Variants in NAV2 observed in about 807,000 individuals in gnomAD.
NAV2 encodes helicase, APC down-regulated 1.
Under a neutral mutation model 223.2 loss-of-function variants are expected in NAV2, and 54 were observed. The ratio of observed to expected loss-of-function variants is 0.24; its 90% CI spans 0.19 to 0.30. The LOEUF (loss-of-function observed/expected upper bound fraction) is 0.30. Among genes scored for constraint, NAV2 ranks in the 10% least tolerant of loss-of-function variants. The pLI is 1.00. For missense variants in NAV2, 2,806 were observed against 3,147.5 expected, an observed-to-expected ratio of 0.89 and a Z score of 2.60; for synonymous variants, 1,279 against 1,239.3, an observed-to-expected ratio of 1.03 and a Z score of -0.67.
At chr11:19,574,473 T>A (rs1251539013) in intron 1 of NAV2, among the ~76,000 whole-genome samples, 4 of 152,146 alleles carry the variant, frequency 2.6e-5, no homozygotes. Context: ...GCTCCAACAC[T>A]CCTGGCCCTG....
rs73420109 is a variant in NAV2, at chr11:19,522,939, T to C, written c.75+171912T>C. The stretch of plus-strand genomic sequence containing the variant: ...CAGTTATTATTATTGGGAATAATGA[T>C]GGCTGTTGATTAAAATGATCATATC... On this transcript the variant is annotated intron_variant, in intron 1 of 37. Transcript: ENST00000360655. Among the ~76,000 whole-genome samples the C allele has an allele frequency of 7.1e-3, 1,076 of 152,330 alleles. 11 individuals are homozygous for C. The highest frequency in any genetic ancestry group is 0.025 in the African/African-American group (1,026 of 41,570).
intron 36 of NAV2, among the ~76,000 whole-genome samples, chr11:20,109,226 A>G (rs1326011847): frequency 6.6e-6 from 1 of 152,208 alleles, no homozygotes; most frequent in South Asian, 2.1e-4. Flanking sequence ...CTTGTGATAT[A>G]TTTCACTAAA....
intron 1 of NAV2, among the ~76,000 whole-genome samples, chr11:19,495,258 G>A (rs2042757897): frequency 6.6e-6 from 1 of 152,146 alleles, no homozygotes; most frequent in Admixed American, 6.5e-5. Context: ...CAGCAAGCAA[G>A]CACCAGGCTC....
intron 1 of NAV2, among the ~76,000 whole-genome samples, chr11:19,461,457 G>A (rs149274308): frequency 4.6e-5 from 7 of 152,292 alleles, no homozygotes; most frequent in Non-Finnish European, 1.0e-4. Flanking sequence ...AGGCATTAAC[G>A]TGAGTTTCAT....
chr11:19,587,105 C>G (rs897954874), intron 1 of NAV2, among the ~76,000 whole-genome samples: 1 of 152,186 alleles, frequency 6.6e-6, no homozygotes, highest in Admixed American at 6.5e-5. Context: ...GCCTTGCTGC[C>G]GCCTTGCAGT....
chr11:19,443,513 G>T (rs147928439), intron 1 of NAV2, among the ~76,000 whole-genome samples: 33 of 152,340 alleles, frequency 2.2e-4, no homozygotes, highest in Non-Finnish European at 1.0e-4. Context: ...CACCTGTCAG[G>T]TGACCTGCTG....
At chr11:19,736,997 G>A (rs905546127) in intron 1 of NAV2, among the ~76,000 whole-genome samples, 4 of 152,216 alleles carry the variant, frequency 2.6e-5, no homozygotes, top group Admixed American at 2.0e-4. Context: ...TCTCATGAAA[G>A]AACTGTAGTG....
At chr11:19,738,707 A>G (rs2152446798) in intron 1 of NAV2, among the ~76,000 whole-genome samples, 1 of 152,268 alleles carries the variant, frequency 6.6e-6, no homozygotes, top group Middle Eastern at 3.4e-3. Flanking sequence ...CACAGGTTTT[A>G]GTGTTTGGGC....
chr11:19,776,870 T>C (rs2056266404), intron 1 of NAV2, among the ~76,000 whole-genome samples: 1 of 151,780 alleles, frequency 6.6e-6, no homozygotes, highest in South Asian at 2.1e-4. Flanking sequence ...TGAACTGCGC[T>C]CCACAGCCCC....
At chr11:19,804,250 A>G (rs1418018793) in intron 1 of NAV2, among the ~76,000 whole-genome samples, 1 of 152,244 alleles carries the variant, frequency 6.6e-6, no homozygotes, top group African/African-American at 2.4e-5. Flanking sequence ...ATTTTCAATT[A>G]CAACGTCACC....
chr11:20,068,541 A>T lies in NAV2; in HGVS notation c.4983+143A>T, dbSNP rs532201101. ...ACAGGCTTTGGCATCATGGGTGTGA[A>T]TGTCAGTTTGGACACTTACTGGCTT... is the stretch of plus-strand genomic sequence containing the variant. On this transcript the variant is annotated intron_variant, in intron 22 of 37. Coordinates refer to ENST00000349880, the MANE Select transcript of NAV2 (RefSeq NM_145117.5). 76 of 672,108 alleles carry T rather than the reference A, an allele frequency of 1.1e-4. 1 individual carries two copies. The highest frequency in any genetic ancestry group is 8.0e-5 in the East Asian group (3 of 37,306). The allele number at this position is 672,108 out of a possible 1,614,324, so 41.6% of individuals were successfully genotyped here. A position where few individuals can be genotyped will look rare whatever the true frequency, so the allele number is the denominator to read the frequency against.
chr11:19,844,117 C>T (rs1235897483), intron 3 of NAV2, among the ~76,000 whole-genome samples: 1 of 152,214 alleles, frequency 6.6e-6, no homozygotes, highest in Non-Finnish European at 1.5e-5. Flanking sequence ...AGGCTGACAT[C>T]TCATGGCTGC....
chr11:19,886,275 C>T (rs987592213), intron 5 of NAV2, among the ~76,000 whole-genome samples: 2 of 152,122 alleles, frequency 1.3e-5, no homozygotes, highest in South Asian at 2.1e-4. Flanking sequence ...ACTGAGCTGC[C>T]GAACCTAGAG....
rs114838135 is a variant in NAV2, at chr11:19,425,054, A to G, written c.75+74027A>G. Among the ~76,000 whole-genome samples, 199 of 152,338 alleles carry G rather than the reference A, an allele frequency of 1.3e-3. 1 individual carries two copies. Among genetic ancestry groups the G allele is most frequent in the African/African-American group, 4.5e-3 (185 of 41,568 alleles). On this transcript the variant is annotated intron_variant, in intron 1 of 37. Coordinates refer to the NAV2 transcript ENST00000360655. ...TGAGGCATTTTACTAAGCATTATTT[A>G]GTACACATTTGTGGAATACAACCTT...
intron 1 of NAV2, among the ~76,000 whole-genome samples, chr11:19,756,097 C>A (rs1432921970): frequency 2.0e-5 from 3 of 152,150 alleles, no homozygotes; most frequent in Non-Finnish European, 4.4e-5. Context: ...GCCTCAATCT[C>A]CTGTACAGCT....
chr11:19,409,825 C>T (rs1026071744), intron 1 of NAV2, among the ~76,000 whole-genome samples: 2 of 152,188 alleles, frequency 1.3e-5, no homozygotes, highest in Non-Finnish European at 2.9e-5. Flanking sequence ...TGTTGTAGAG[C>T]TGGTATTTGA....
chr11:19,379,301 G>A (rs1433095713), intron 1 of NAV2, among the ~76,000 whole-genome samples: 1 of 152,204 alleles, frequency 6.6e-6, no homozygotes, highest in Non-Finnish European at 1.5e-5. Context: ...AGGTGGAAAA[G>A]TCAGAGGGGT....
intron 29 of NAV2, among the ~76,000 whole-genome samples, chr11:20,095,247 C>T (rs1370946689): frequency 6.6e-6 from 1 of 152,028 alleles, no homozygotes; most frequent in Non-Finnish European, 1.5e-5. Flanking sequence ...ATATAAGTTA[C>T]GTACAGAATT....
chr11:19,943,493 A>C (rs1310233890), intron 8 of NAV2, among the ~76,000 whole-genome samples: 1 of 152,192 alleles, frequency 6.6e-6, no homozygotes, highest in Non-Finnish European at 1.5e-5. Context: ...CCTCCATGAA[A>C]TCATGGGTAT....
Sources: allele counts gnomAD v4.1 joint callset (sites outside exome capture counted in the v4.1 genomes callset), GRCh38; gene constraint gnomAD v4.1.1; transcripts MANE v1.5; gene names NCBI Gene and HGNC (gene_info 2026-07-23, HGNC 2026-07-21).